Variants in AFAP1L2 observed in about 807,000 individuals in gnomAD.
AFAP1L2 encodes actin filament-associated protein 1-like 2.
A neutral mutation model predicts 99.3 loss-of-function variants in AFAP1L2; 46 were observed. The ratio of observed to expected loss-of-function variants is 0.46; its 90% CI spans 0.37 to 0.59. The LOEUF (loss-of-function observed/expected upper bound fraction) is 0.59. Ranked by LOEUF, AFAP1L2 falls within the 20% of genes least tolerant of loss-of-function variation. AFAP1L2 has a pLI of 0.00. For synonymous variants in AFAP1L2, 397 were observed against 419.1 expected (o/e 0.95, Z 0.64); for missense variants, 959 against 1,034.9 (o/e 0.93, Z 1.01).
intron 16 of AFAP1L2, among the ~76,000 whole-genome samples, chr10:114,298,577 G>C (rs374820616): frequency 3.5e-4 from 53 of 152,230 alleles, no homozygotes; most frequent in Middle Eastern, 3.4e-3. Flanking sequence ...GGGCATGGTG[G>C]CTCACGCTCA....
chr10:114,300,250 G>A lies in AFAP1L2; in HGVS notation c.1901C>T (p.Ala634Val). The part of the protein sequence containing the change: ...FPPSCPDAVV[A>V]TPPGASPPVK... ...AGGTGGGCTGGCACCAGGTGGGGTGGCCACCACGGCATCCGGGCAGCTCGG... is the reference window on the plus strand; with the variant it reads ...AGGTGGGCTGGCACCAGGTGGGGTGACCACCACGGCATCCGGGCAGCTCGG... Residue 634 changes from alanine to valine, a missense_variant, in exon 15 of 19, where the codon GCC becomes GTC. Transcript: ENST00000304129. The A allele has an allele frequency of 6.2e-7, 1 of 1,614,174 alleles. No individual in the cohort carries two copies.
intron 1 of AFAP1L2, among the ~76,000 whole-genome samples, chr10:114,351,139 T>C (rs1211657161): frequency 3.3e-5 from 5 of 152,140 alleles, no homozygotes; most frequent in Non-Finnish European, 7.4e-5. Flanking sequence ...AAAGGCTGTG[T>C]TGGATAGGAA....
chr10:114,326,070 G>A, intron 4 of AFAP1L2: 2 of 1,281,152 alleles, frequency 1.6e-6, no homozygotes, highest in South Asian at 2.5e-5. Context: ...AGGGAGGAGT[G>A]AACCCTTCTG....
At chr10:114,360,523 A>C (rs1403340993) in intron 1 of AFAP1L2, among the ~76,000 whole-genome samples, 5 of 150,450 alleles carry the variant, frequency 3.3e-5, no homozygotes, top group Non-Finnish European at 7.4e-5. Flanking sequence ...ATAGATAGAT[A>C]GATAGATAGA....
At chr10:114,317,512 CTT>C (rs2044319318) in intron 5 of AFAP1L2, among the ~76,000 whole-genome samples, 1 of 152,192 alleles carries the variant, frequency 6.6e-6, no homozygotes, top group South Asian at 2.1e-4. Flanking sequence ...CACCCATACT[CTT>C]TGATCCAATA....
chr10:114,363,697 C>G (rs986234460), intron 1 of AFAP1L2, among the ~76,000 whole-genome samples: 2 of 152,204 alleles, frequency 1.3e-5, no homozygotes, highest in African/African-American at 4.8e-5. Context: ...CCCACCACCT[C>G]TGGGAGGCCT....
chr10:114,344,058 T>C (rs962033852), intron 1 of AFAP1L2, among the ~76,000 whole-genome samples: 2 of 152,328 alleles, frequency 1.3e-5, no homozygotes, highest in South Asian at 4.1e-4. Context: ...TCTAGCCTTA[T>C]AAATGAGAGC....
At chr10:114,393,014 C>A (rs1291592017) in intron 1 of AFAP1L2, among the ~76,000 whole-genome samples, 2 of 152,148 alleles carry the variant, frequency 1.3e-5, no homozygotes, top group African/African-American at 4.8e-5. Context: ...CTCCTTTCCC[C>A]CAACACGCAT....
intron 11 of AFAP1L2, 137 bp downstream of exon 11, chr10:114,304,582 C>T: frequency 1.0e-6 from 1 of 955,594 alleles, no homozygotes; most frequent in South Asian, 1.8e-5. Flanking sequence ...TGCAAACAAT[C>T]TCAGGCAAAC....
intron 5 of AFAP1L2, chr10:114,319,785 GC>G: frequency 2.2e-6 from 1 of 463,768 alleles, no homozygotes; most frequent in Non-Finnish European, 3.8e-6. Flanking sequence ...GTTAGTGCTT[GC>G]CCATCAGAGG....
chr10:114,286,214 G>A, the AFAP1L2 span: 1 of 1,613,892 alleles, frequency 6.2e-7, no homozygotes, highest in East Asian at 2.2e-5. Context: ...GACGGGCAGT[G>A]CCTTGCGGCA....
chr10:114,293,335 T>A (rs2133783580), downstream of AFAP1L2, among the ~76,000 whole-genome samples: 1 of 152,356 alleles, frequency 6.6e-6, no homozygotes, highest in South Asian at 2.1e-4. Context: ...TTAACCATGT[T>A]ATAATGTAGG....
At chr10:114,400,264 C>G (rs1350031865) in intron 1 of AFAP1L2, among the ~76,000 whole-genome samples, 1 of 152,208 alleles carries the variant, frequency 6.6e-6, no homozygotes, top group Non-Finnish European at 1.5e-5. Flanking sequence ...GGAAGCAGCC[C>G]AGCTCGCAGG....
chr10:114,354,053 G>A (rs754706811), intron 1 of AFAP1L2, among the ~76,000 whole-genome samples: 2 of 152,170 alleles, frequency 1.3e-5, no homozygotes, highest in Non-Finnish European at 2.9e-5. Flanking sequence ...CATGGAGCAC[G>A]ACCGCTGTGG....
chr10:114,288,058 T>A, the AFAP1L2 span, among the ~76,000 whole-genome samples: 1 of 152,132 alleles, frequency 6.6e-6, no homozygotes, highest in Admixed American at 6.5e-5. Flanking sequence ...TTTCCAGTGG[T>A]TCCCCTTTGC....
rs540824663 is a variant in AFAP1L2 at position 114,319,451 on chromosome 10, T to C, written c.407-3686A>G. On this transcript the variant is annotated intron_variant, in intron 5 of 18. Coordinates refer to ENST00000304129, the MANE Select transcript of AFAP1L2 (RefSeq NM_001001936.3). Reference sequence around the variant, plus strand: ...ACGTGGCATGCAAGTGCAAGACTCATGCACGAGGACAGGAAGAAGACAGTG... The same window carrying C: ...ACGTGGCATGCAAGTGCAAGACTCACGCACGAGGACAGGAAGAAGACAGTG... 7 of 818,878 alleles carry C rather than the reference T, an allele frequency of 8.5e-6. No homozygotes were observed. The East Asian group carries it at 3.9e-4, about 46-fold the overall frequency. The allele number at this position is 818,878 out of a possible 1,614,324, so 50.7% of individuals were successfully genotyped here.
intron 16 of AFAP1L2, among the ~76,000 whole-genome samples, 199 bp from the exon 17 acceptor site, chr10:114,297,612 AGGCTCTTG>A (rs1367802087): frequency 3.3e-5 from 5 of 152,130 alleles, no homozygotes; most frequent in Non-Finnish European, 4.4e-5. Flanking sequence ...AAAGGCTGGG[AGGCTCTTG>A]GGGAGGAGAG....
intron 3 of AFAP1L2, among the ~76,000 whole-genome samples, chr10:114,332,706 AG>A (rs1484700415): frequency 7.9e-5 from 12 of 152,240 alleles, no homozygotes; most frequent in African/African-American, 2.7e-4. Flanking sequence ...GGAAAAGCAG[AG>A]AGCAGAACAG....
At chr10:114,311,546 C>T (rs2043237873) in intron 7 of AFAP1L2, among the ~76,000 whole-genome samples, 1 of 152,204 alleles carries the variant, frequency 6.6e-6, no homozygotes, top group African/African-American at 2.4e-5. Flanking sequence ...GAGCCTCAGC[C>T]ACTGCATCTG....
Sources: allele counts gnomAD v4.1 joint callset (sites outside exome capture counted in the v4.1 genomes callset), GRCh38; gene constraint gnomAD v4.1.1; transcripts MANE v1.5; gene names NCBI Gene and HGNC (gene_info 2026-07-23, HGNC 2026-07-21).